The following KCNH5 variants were observed in gnomAD, a reference collection of about 807,000 sequenced individuals.
KCNH5 encodes voltage-gated delayed rectifier potassium channel KCNH5.
KCNH5 carries 46 observed loss-of-function variants against 96.1 expected under a neutral mutation model. That is an observed-to-expected ratio of 0.48 (90% CI 0.38 to 0.61). The LOEUF (loss-of-function observed/expected upper bound fraction) is 0.61. KCNH5 is among the 20% of genes least tolerant of loss of function. The pLI, the probability that KCNH5 is intolerant of heterozygous loss-of-function variation, is 0.00. For synonymous variants in KCNH5, 439 were observed against 449.8 expected, an observed-to-expected ratio of 0.98 and a Z score of 0.30; for missense variants, 907 against 1,225.8, an observed-to-expected ratio of 0.74 and a Z score of 3.88.
intron 9 of KCNH5, among the ~76,000 whole-genome samples, chr14:62,794,334 A>G (rs994117489): frequency 2.0e-5 from 3 of 152,072 alleles, no homozygotes; most frequent in Non-Finnish European, 4.4e-5. Flanking sequence ...TAAACCAAAC[A>G]GTTGTACTAT....
intron 7 of KCNH5, among the ~76,000 whole-genome samples, chr14:62,873,735 A>T (rs1888310377): frequency 6.6e-6 from 1 of 152,200 alleles, no homozygotes; most frequent in Admixed American, 6.5e-5. Context: ...TTTCCCCGCA[A>T]TGAAAGGAAC....
chr14:62,891,636 T>C (rs993848650), intron 7 of KCNH5, among the ~76,000 whole-genome samples: 8 of 152,220 alleles, frequency 5.3e-5, no homozygotes, highest in South Asian at 2.1e-4. Flanking sequence ...TTTATTGTGC[T>C]TCACAAATAC....
chr14:62,935,826 T>C (rs1401621516), intron 7 of KCNH5, among the ~76,000 whole-genome samples: 1 of 152,142 alleles, frequency 6.6e-6, no homozygotes, highest in Non-Finnish European at 1.5e-5. Context: ...TGCAGCAGGA[T>C]TTCTAATGGT....
At chr14:63,009,959 T>G (rs1429183616) in intron 2 of KCNH5, among the ~76,000 whole-genome samples, 1 of 152,226 alleles carries the variant, frequency 6.6e-6, no homozygotes, top group East Asian at 1.9e-4. Flanking sequence ...TCATATCTTC[T>G]ACCAAATATC....
rs202134586 is a variant in KCNH5 at position 63,016,794 on chromosome 14, A to G, written c.197+37T>C. ...TTAATTACATTCAGATTTTTGTTAA[A>G]TTTCAGAAAAGATTACTTAGCTATT... On this transcript the variant is annotated intron_variant, in intron 2 of 10. Transcript: ENST00000322893. The G allele has an allele frequency of 2.2e-4, 346 of 1,590,524 alleles. 1 individual carries two copies. Among genetic ancestry groups the G allele is most frequent in the Middle Eastern group, 8.5e-4 (5 of 5,908 alleles).
At chr14:63,023,146 T>C (rs1891460924) in intron 1 of KCNH5, among the ~76,000 whole-genome samples, 1 of 150,928 alleles carries the variant, frequency 6.6e-6, no homozygotes, top group Non-Finnish European at 1.5e-5. Context: ...GAGGTTACAG[T>C]GAGCCAAGAT....
At chr14:62,724,093 C>G (rs78287658) in intron 10 of KCNH5, among the ~76,000 whole-genome samples, 1,551 of 152,244 alleles carry the variant, frequency 0.01, 22 homozygotes, top group African/African-American at 0.035. Context: ...TATTTCCTCG[C>G]CTTTCACAGA....
At chr14:62,849,557 G>T in intron 8 of KCNH5, 96 bp downstream of exon 8, 1 of 949,504 alleles carries the variant, frequency 1.1e-6, no homozygotes, top group Non-Finnish European at 1.7e-6. Context: ...TAACAGTTAC[G>T]AAGCAATTAT....
intron 10 of KCNH5, among the ~76,000 whole-genome samples, chr14:62,766,296 T>C (rs1885859231): frequency 6.6e-6 from 1 of 152,128 alleles, no homozygotes. Flanking sequence ...AAAACAGAGC[T>C]ACCATATCAT....
In KCNH5 at chr14:62,704,423, T is replaced by A. The variant is rs1453311650; in HGVS notation, c.*3085A>T. 6.6e-6 allele frequency: 1 copy of A among 151,880 alleles called. No homozygotes were observed. Among genetic ancestry groups the A allele is most frequent in the Non-Finnish European group, 1.5e-5 (1 of 67,786 alleles). 9.4% of individuals were successfully genotyped at this position (151,880 alleles called of 1,614,324 possible). A position where few individuals can be genotyped will look rare whatever the true frequency, so the allele number is the denominator to read the frequency against. ...TCTGGCTTTTGTGTGCCTATTTGCT[T>A]TTTATCATAATCTCTTCCATCTGCT... On this transcript the variant is annotated 3_prime_UTR_variant, in exon 11 of 11. Coordinates refer to ENST00000322893, the MANE Select transcript of KCNH5 (RefSeq NM_139318.5).
intron 7 of KCNH5, among the ~76,000 whole-genome samples, chr14:62,943,116 A>C (rs901597909): frequency 1.3e-5 from 2 of 152,314 alleles, no homozygotes; most frequent in East Asian, 3.9e-4. Flanking sequence ...GCAAAGAGTT[A>C]TTCAAAACAT....
At chr14:62,908,782 ATTTTTTTTTTTTTTTTTTT>A (rs71120241) in intron 7 of KCNH5, among the ~76,000 whole-genome samples, 1 of 23,712 alleles carries the variant, frequency 4.2e-5, no homozygotes, top group Non-Finnish European at 7.0e-5. Flanking sequence ...TTTGCTTTGT[ATTTTTTTTTTTTTTTTTTT>A]TTTTTTTTTT....
chr14:63,018,807 C>T (rs1400370369), intron 1 of KCNH5, among the ~76,000 whole-genome samples: 3 of 151,806 alleles, frequency 2.0e-5, no homozygotes, highest in Admixed American at 6.6e-5. Context: ...GATATAATGT[C>T]CCAGAAACAA....
intron 10 of KCNH5, among the ~76,000 whole-genome samples, chr14:62,747,062 G>A (rs1428891355): frequency 1.3e-5 from 2 of 152,194 alleles, no homozygotes; most frequent in African/African-American, 4.8e-5. Flanking sequence ...GGCCGGACGC[G>A]GCGGCTCATG....
chr14:63,022,094 G>A (rs184325262), intron 1 of KCNH5, among the ~76,000 whole-genome samples: 2 of 152,176 alleles, frequency 1.3e-5, no homozygotes, highest in East Asian at 1.9e-4. Context: ...TCTTAAATGT[G>A]CTTCAGTATA....
intron 7 of KCNH5, among the ~76,000 whole-genome samples, chr14:62,937,274 CCAT>C (rs1414086340): frequency 6.6e-6 from 1 of 152,164 alleles, no homozygotes; most frequent in African/African-American, 2.4e-5. Context: ...CTAACCACCA[CCAT>C]CATCATCTCT....
Position 63,045,216 on chromosome 14 carries a change from C to A in KCNH5, c.-30G>T. On this transcript the variant is annotated 5_prime_UTR_variant, in exon 1 of 11. Coordinates refer to ENST00000322893, the MANE Select transcript of KCNH5 (RefSeq NM_139318.5). Reference sequence around the variant, plus strand: ...GGTCTGGAGAGCAGCGGCCAGGATCCGCGGCGGGGGAGGGGGGGATGCAGG... The same window carrying A: ...GGTCTGGAGAGCAGCGGCCAGGATCAGCGGCGGGGGAGGGGGGGATGCAGG... The A allele has an allele frequency of 1.9e-6, 3 of 1,581,966 alleles. No homozygotes were observed. The highest frequency in any genetic ancestry group is 2.6e-6 in the Non-Finnish European group (3 of 1,153,732).
At chr14:62,897,058 G>C (rs1053286597) in intron 7 of KCNH5, among the ~76,000 whole-genome samples, 3 of 152,154 alleles carry the variant, frequency 2.0e-5, no homozygotes, top group Admixed American at 6.5e-5. Flanking sequence ...GTAACTCATG[G>C]TCACTGTGAG....
chr14:62,994,114 A>G (rs1396263805), intron 4 of KCNH5, among the ~76,000 whole-genome samples: 1 of 152,098 alleles, frequency 6.6e-6, no homozygotes, highest in Non-Finnish European at 1.5e-5. Flanking sequence ...ATTCTAATCT[A>G]TAAGTAAAAA....
Sources: allele counts gnomAD v4.1 joint callset (sites outside exome capture counted in the v4.1 genomes callset), GRCh38; gene constraint gnomAD v4.1.1; transcripts MANE v1.5; gene names NCBI Gene and HGNC (gene_info 2026-07-23, HGNC 2026-07-21).